Variants in BCAS3 observed in about 807,000 individuals in gnomAD.
BCAS3 encodes the protein BCAS3 microtubule associated cell migration factor.
A neutral mutation model predicts 116.1 loss-of-function variants in BCAS3; 53 were observed. The observed-to-expected ratio is 0.46, with a 90% CI of 0.37 to 0.57. The LOEUF (loss-of-function observed/expected upper bound fraction) is 0.57. BCAS3 is among the 20% of genes least tolerant of loss of function. The pLI, the probability that BCAS3 is intolerant of heterozygous loss-of-function variation, is 0.00. For synonymous variants in BCAS3, 391 were observed against 408.2 expected, an observed-to-expected ratio of 0.96 and a Z score of 0.51; for missense variants, 917 against 1,165.4, an observed-to-expected ratio of 0.79 and a Z score of 3.10.
Position 61,281,572 on chromosome 17 carries a change from C to T in BCAS3, c.2426-86755C>T, listed in dbSNP as rs2051249638. On this transcript the variant is annotated intron_variant, in intron 22 of 23. Coordinates refer to ENST00000407086, the MANE Select transcript of BCAS3 (RefSeq NM_017679.5). The surrounding 1 kb of genome is among the most constrained non-coding windows in gnomAD (Gnocchi z 4.2). ...TATTGTAATTTAAATTTGCATTTCT[C>T]TTAGACTGGCATGGAACGTATTTTC... Among the ~76,000 whole-genome samples, 1 of 152,114 alleles carries T rather than the reference C, an allele frequency of 6.6e-6. No individual in the cohort carries two copies. Among genetic ancestry groups the T allele is most frequent in the African/African-American group, 2.4e-5 (1 of 41,428 alleles).
rs8076659 is a variant in BCAS3 at position 61,198,144 on chromosome 17, T to C, written c.2425+113580T>C. 0.014 allele frequency among the ~76,000 whole-genome samples: 1,786 copies of C among 131,262 alleles called. 23 individuals are homozygous for C. The highest frequency in any genetic ancestry group is 0.036 in the African/African-American group (1,337 of 36,654). The allele number at this position is 131,262 out of a possible 152,430, so 86.1% of individuals were successfully genotyped here. ...AAGTGCAAGATATGTTTTTTTTTTT[T>C]CTTTTTTTTTTTTTGAGACGGAGTC... On this transcript the variant is annotated intron_variant, in intron 22 of 23. Transcript: ENST00000407086. The surrounding 1 kb of genome is among the most constrained non-coding windows in gnomAD (Gnocchi z 5.0).
Position 60,892,312 on chromosome 17 carries a change from A to ATTT in BCAS3, c.738+2556_738+2558dup, listed in dbSNP as rs146241613. On this transcript the variant is annotated intron_variant, in intron 10 of 23. Coordinates refer to ENST00000407086, the MANE Select transcript of BCAS3 (RefSeq NM_017679.5). Reference sequence around the variant, plus strand: ...TGTCAACATCTGTTGTTTTTGACTTATTTTTTTTTTTTTTTTTGAGACAGA... The same window carrying ATTT: ...TGTCAACATCTGTTGTTTTTGACTTATTTTTTTTTTTTTTTTTTTTGAGACAGA... Among the ~76,000 whole-genome samples, 124 of 126,798 alleles carry ATTT rather than the reference A, an allele frequency of 9.8e-4. No homozygotes were observed. In the East Asian group the frequency reaches 0.013, roughly 13 times the overall value. 83.2% of individuals were successfully genotyped at this position (126,798 alleles called of 152,430 possible). A position where few individuals can be genotyped will look rare whatever the true frequency, so the allele number is the denominator to read the frequency against.
chr17:61,225,490 C>A (rs2082326023), intron 22 of BCAS3, among the ~76,000 whole-genome samples: 1 of 152,072 alleles, frequency 6.6e-6, no homozygotes, highest in Non-Finnish European at 1.5e-5. Flanking sequence ...AATTTTGCTG[C>A]GGTTGGTTAA....
intron 5 of BCAS3, among the ~76,000 whole-genome samples, chr17:60,717,431 G>T (rs553594717): frequency 6.6e-6 from 1 of 151,970 alleles, no homozygotes; most frequent in Admixed American, 6.6e-5. Context: ...GTCCAGGCTG[G>T]TCTTGAACCC....
rs1046649181 is a variant in BCAS3, at chr17:61,021,558, A to C, written c.1637+5657A>C. On this transcript the variant is annotated intron_variant, in intron 16 of 23. Coordinates refer to ENST00000407086, the MANE Select transcript of BCAS3 (RefSeq NM_017679.5). This position sits in a 1 kb window ranked among gnomAD's most constrained non-coding sequence, Gnocchi z 4.6. ...CTTCACCTGAAAAAAAAAAGTTTAT[A>C]TATATGGATTATAATCTTTTAATCC... Among the ~76,000 whole-genome samples the C allele has an allele frequency of 6.6e-6, 1 of 152,132 alleles. No homozygotes were observed. Among genetic ancestry groups the C allele is most frequent in the Non-Finnish European group, 1.5e-5 (1 of 68,032 alleles).
At position 61,068,856 on chromosome 17, in the gene BCAS3, T is replaced by A. The variant is rs2143391451; in HGVS notation, c.2030-6064T>A. Among the ~76,000 whole-genome samples the A allele has an allele frequency of 6.6e-6, 1 of 152,328 alleles. No homozygotes were observed. The highest frequency in any genetic ancestry group is 2.4e-5 in the African/African-American group (1 of 41,596). On this transcript the variant is annotated intron_variant, in intron 19 of 23. Transcript: ENST00000407086. The surrounding 1 kb of genome is among the most constrained non-coding windows in gnomAD (Gnocchi z 4.3). ...TTGCTCTTATCATATTTTCTTTTTA[T>A]CAAGGTTGTAAATTCTTTTTTCCAT... is the stretch of plus-strand genomic sequence containing the variant.
At chr17:60,973,830 G>A (rs1223822682) in intron 14 of BCAS3, among the ~76,000 whole-genome samples, 3 of 151,942 alleles carry the variant, frequency 2.0e-5, no homozygotes, top group African/African-American at 7.3e-5. Flanking sequence ...GACCTCAAGT[G>A]ATCCACCTGC....
intron 20 of BCAS3, among the ~76,000 whole-genome samples, chr17:61,076,187 T>C (rs1234394069): frequency 6.6e-6 from 1 of 152,224 alleles, no homozygotes. Flanking sequence ...TTACAAATGC[T>C]GTTATGTCTG....
chr17:60,716,875 C>G (rs1292240922), intron 5 of BCAS3, among the ~76,000 whole-genome samples: 4 of 152,110 alleles, frequency 2.6e-5, no homozygotes, highest in African/African-American at 9.7e-5. Context: ...TTTCACTCAG[C>G]AAAGATTTAT....
In BCAS3 at chr17:60,910,682, GA is replaced by G; in HGVS notation, c.976del (p.Thr326ProfsTer9). 6.2e-7 allele frequency: 1 copy of G among 1,608,004 alleles called. No homozygotes were observed. Among genetic ancestry groups the G allele is most frequent in the Non-Finnish European group, 8.5e-7 (1 of 1,177,240 alleles). ...VPGIITVIDT[E>X]TVGEGQVLVS... The stretch of plus-strand genomic sequence containing the variant: ...AGGCATCATCACAGTTATTGACACC[GA>G]AACCGTTGGAGAGGGCCAGGTAAGA... On this transcript the variant is annotated frameshift_variant, in exon 12 of 24. Transcript: ENST00000407086. LOFTEE classifies it high-confidence loss of function.
intron 22 of BCAS3, among the ~76,000 whole-genome samples, chr17:61,195,424 A>G (rs8078655): frequency 0.055 from 8,308 of 152,262 alleles, 765 homozygotes; most frequent in African/African-American, 0.19. Flanking sequence ...CAATGGTGCA[A>G]TCATGGCTCA....
Position 61,224,582 on chromosome 17 carries a change from A to G in BCAS3, c.2425+140018A>G, listed in dbSNP as rs2082278693. Among the ~76,000 whole-genome samples, 1 of 152,222 alleles carries G rather than the reference A, an allele frequency of 6.6e-6. No homozygotes were observed. Among genetic ancestry groups the G allele is most frequent in the African/African-American group, 2.4e-5 (1 of 41,456 alleles). ...CAGTGTAGTCCTTTGAATACTTTGC[A>G]GTGTTTCATATACATCTGGAGTCAA... On this transcript the variant is annotated intron_variant, in intron 22 of 23. Coordinates refer to ENST00000407086, the MANE Select transcript of BCAS3 (RefSeq NM_017679.5). The surrounding 1 kb of genome is among the most constrained non-coding windows in gnomAD (Gnocchi z 5.7).
rs879510386 is a variant in BCAS3, at chr17:61,361,307, A to C, written c.2426-7020A>C. ...GATGTAATCTATGTTCTAAGCTTTA[A>C]AGTGTGCATTATGCAATTGCATATT... On this transcript the variant is annotated intron_variant, in intron 22 of 23. Transcript: ENST00000407086. This position sits in a 1 kb window ranked among gnomAD's most constrained non-coding sequence, Gnocchi z 6.5. Among the ~76,000 whole-genome samples the C allele has an allele frequency of 5.3e-5, 8 of 151,954 alleles. No individual in the cohort carries two copies. Among genetic ancestry groups the C allele is most frequent in the Non-Finnish European group, 8.8e-5 (6 of 68,032 alleles).
intron 7 of BCAS3, among the ~76,000 whole-genome samples, chr17:60,824,259 G>A (rs2050195074): frequency 6.6e-6 from 1 of 152,166 alleles, no homozygotes; most frequent in Admixed American, 6.5e-5. Context: ...ATGTTGAGCT[G>A]TTGTGTTTTA....
chr17:61,059,642 G>A (rs2069774991), intron 19 of BCAS3, among the ~76,000 whole-genome samples: 1 of 152,188 alleles, frequency 6.6e-6, no homozygotes, highest in South Asian at 2.1e-4. Flanking sequence ...GTTGTGAAGA[G>A]AAAGCGTTTG....
intron 7 of BCAS3, among the ~76,000 whole-genome samples, chr17:60,865,482 G>C (rs542990851): frequency 6.6e-6 from 1 of 152,206 alleles, no homozygotes; most frequent in African/African-American, 2.4e-5. Context: ...ATAGTTTTTA[G>C]TATACAAATC....
Position 61,037,817 on chromosome 17 carries a change from T to G in BCAS3, c.1763-72T>G. 7.3e-7 allele frequency: 1 copy of G among 1,375,968 alleles called. No homozygotes were observed. The allele number at this position is 1,375,968 out of a possible 1,614,324, so 85.2% of individuals were successfully genotyped here. On this transcript the variant is annotated intron_variant, in intron 17 of 23. Transcript: ENST00000407086. The surrounding 1 kb of genome is among the most constrained non-coding windows in gnomAD (Gnocchi z 4.7). ...CTCAGGAGCAGACTAATAAGATCAT[T>G]AACTTGTAAAAATTATTCTGTGCTC...
At chr17:60,804,618 C>T (rs2048108028) in intron 6 of BCAS3, among the ~76,000 whole-genome samples, 1 of 152,066 alleles carries the variant, frequency 6.6e-6, no homozygotes, top group Non-Finnish European at 1.5e-5. Context: ...TGTTGTTTTG[C>T]AGCGGTAGGA....
At chr17:60,715,141 T>C (rs572619088) in intron 5 of BCAS3, among the ~76,000 whole-genome samples, 1 of 149,824 alleles carries the variant, frequency 6.7e-6, no homozygotes, top group Admixed American at 6.6e-5. Context: ...TCTTTTTTTT[T>C]TTTTTTTTTT....
Sources: allele counts gnomAD v4.1 joint callset (sites outside exome capture counted in the v4.1 genomes callset), GRCh38; gene constraint gnomAD v4.1.1; non-coding constraint Gnocchi (gnomAD v3.1); transcripts MANE v1.5; gene names NCBI Gene and HGNC (gene_info 2026-07-23, HGNC 2026-07-21).